Variants in SFSWAP observed in about 807,000 individuals in gnomAD.
SFSWAP encodes the protein splicing factor, suppressor of white-apricot homolog.
Under a neutral mutation model 100.7 loss-of-function variants are expected in SFSWAP, and 17 were observed. That is an observed-to-expected ratio of 0.17 (90% CI 0.12 to 0.25). The LOEUF is 0.25. Among genes scored for constraint, SFSWAP ranks in the 10% least tolerant of loss-of-function variants. The probability of loss-of-function intolerance (pLI) is 1.00; values close to 1 mark genes in which losing one functional copy is unlikely to be tolerated. For synonymous variants in SFSWAP, 504 were observed against 510.1 expected (o/e 0.99, Z 0.16); for missense variants, 1,005 against 1,262.6 (o/e 0.80, Z 3.09).
At chr12:131,731,221 C>T (rs924348613) in intron 7 of SFSWAP, among the ~76,000 whole-genome samples, 1 of 152,178 alleles carries the variant, frequency 6.6e-6, no homozygotes, top group African/African-American at 2.4e-5. Flanking sequence ...GTGGCTGTGG[C>T]GTGGCGTTAC....
chr12:131,741,307 AT>A (rs1880604500), intron 7 of SFSWAP, among the ~76,000 whole-genome samples: 1 of 152,040 alleles, frequency 6.6e-6, no homozygotes, highest in Non-Finnish European at 1.5e-5. Flanking sequence ...ATAAAATATT[AT>A]TTTGTTTGTT....
chr12:131,742,874 C>T (rs1880781047), intron 7 of SFSWAP, among the ~76,000 whole-genome samples: 2 of 152,112 alleles, frequency 1.3e-5, no homozygotes, highest in Non-Finnish European at 2.9e-5. Context: ...GTTTAATGGA[C>T]TTACAGTTCC....
intron 13 of SFSWAP, among the ~76,000 whole-genome samples, chr12:131,776,151 G>T (rs1386299480): frequency 6.6e-6 from 1 of 152,152 alleles, no homozygotes; most frequent in Non-Finnish European, 1.5e-5. Flanking sequence ...GAAAAATATT[G>T]TTACACTTAA....
At chr12:131,771,192 C>T (rs893704259) in intron 13 of SFSWAP, among the ~76,000 whole-genome samples, 1 of 152,192 alleles carries the variant, frequency 6.6e-6, no homozygotes, top group African/African-American at 2.4e-5. Flanking sequence ...CAACTTTTTT[C>T]ACTTACAGTA....
intron 14 of SFSWAP, among the ~76,000 whole-genome samples, chr12:131,781,342 A>G (rs993807668): frequency 1.4e-5 from 2 of 147,414 alleles, no homozygotes; most frequent in Admixed American, 1.4e-4. Context: ...GGTTCACACC[A>G]TTCTCCTGTC....
At chr12:131,728,194 G>C in intron 6 of SFSWAP, 99 bp from the exon 7 acceptor site, 1 of 1,380,042 alleles carries the variant, frequency 7.2e-7, no homozygotes. Context: ...TTTTTTCTAA[G>C]GCATGTACAC....
intron 4 of SFSWAP, among the ~76,000 whole-genome samples, chr12:131,720,694 T>G (rs1409119726): frequency 6.6e-6 from 1 of 152,184 alleles, no homozygotes; most frequent in Non-Finnish European, 1.5e-5. Flanking sequence ...TCAGCGTGAA[T>G]TTGATGGTTC....
Position 131,753,099 on chromosome 12 carries a change from C to G in SFSWAP, c.1082-24C>G, listed in dbSNP as rs1237965550. ...ACCAGCCTGTGGCCGGCCATGCTCA[C>G]TCCGGGGCAATGTGTCTCCACAGCG... On this transcript the variant is annotated intron_variant, in intron 7 of 17. Coordinates refer to ENST00000261674, the MANE Select transcript of SFSWAP (RefSeq NM_004592.4). 6 of 1,613,338 alleles carry G rather than the reference C, an allele frequency of 3.7e-6. No homozygotes were observed. In the South Asian group the frequency reaches 6.6e-5, roughly 18 times the overall value.
chr12:131,717,783 T>C (rs1161140580), intron 3 of SFSWAP, among the ~76,000 whole-genome samples: 1 of 152,242 alleles, frequency 6.6e-6, no homozygotes, highest in Non-Finnish European at 1.5e-5. Flanking sequence ...CAGGCTGGAA[T>C]GCAGTGGTGC....
At chr12:131,728,699 T>A (rs1879221846) in intron 7 of SFSWAP, among the ~76,000 whole-genome samples, 1 of 151,190 alleles carries the variant, frequency 6.6e-6, no homozygotes, top group Non-Finnish European at 1.5e-5. Context: ...TCTGCCCTTC[T>A]TTCTTTTTTT....
chr12:131,766,298 T>C lies in SFSWAP; in HGVS notation c.2132T>C (p.Phe711Ser). 1.2e-6 allele frequency: 2 copies of C among 1,614,056 alleles called. No individual in the cohort carries two copies. Among genetic ancestry groups the C allele is most frequent in the Non-Finnish European group, 1.7e-6 (2 of 1,179,998 alleles). Residue 711 changes from phenylalanine (F) to serine (S), a missense_variant, in exon 13 of 18, where the codon TTC (phenylalanine) becomes TCC (serine). Phe to Ser is a radical substitution (Grantham distance 155). Around this residue, in one of 7 missense-constraint regions of SFSWAP, gnomAD observed 295 missense variants for 347.9 expected, o/e 0.85. Transcript: ENST00000261674. ...AEAGKIEESP[F>S]SVEESSTTPC... The stretch of plus-strand genomic sequence containing the variant: ...GCTGGGAAAATTGAGGAGAGTCCTT[T>C]CAGTGTCGAGGTATAGTAAAATCCC...
chr12:131,753,119 A>G lies in SFSWAP; in HGVS notation c.1082-4A>G. 3 of 1,614,116 alleles carry G rather than the reference A, an allele frequency of 1.9e-6. No individual in the cohort carries two copies. The highest frequency in any genetic ancestry group is 2.5e-6 in the Non-Finnish European group (3 of 1,179,992). ...GCTCACTCCGGGGCAATGTGTCTCCACAGCGACCGTGGCAGCCATGTATTA... is the reference window on the plus strand; with the variant it reads ...GCTCACTCCGGGGCAATGTGTCTCCGCAGCGACCGTGGCAGCCATGTATTA... On this transcript the variant is annotated splice_polypyrimidine_tract_variant and splice_region_variant and intron_variant, in intron 7 of 17. Coordinates refer to ENST00000261674, the MANE Select transcript of SFSWAP (RefSeq NM_004592.4).
chr12:131,714,929 G>C lies in SFSWAP; in HGVS notation c.496G>C (p.Glu166Gln). Residue 166 changes from glutamate to glutamine, a missense_variant, in exon 3 of 18, where the codon GAG (glutamate) becomes CAG (glutamine). By Grantham distance (29) the Glu-to-Gln change is conservative. This residue lies in a region of SFSWAP where 237 missense variants were observed against 337.0 expected (regional missense o/e 0.70). Coordinates refer to ENST00000261674, the MANE Select transcript of SFSWAP (RefSeq NM_004592.4). The surrounding 1 kb of genome is among the most constrained non-coding windows in gnomAD (Gnocchi z 6.0). ...DYYDPSEPTE[E>Q]EEPSKQREKN... ...TTACGACCCGTCAGAGCCGACGGAG[G>C]AGGAGGAGCCTTCCAAACAGAGAGG... 6.2e-7 allele frequency: 1 copy of C among 1,614,116 alleles called. No homozygotes were observed. The highest frequency in any genetic ancestry group is 8.5e-7 in the Non-Finnish European group (1 of 1,180,024).
chr12:131,725,434 C>G lies in SFSWAP; in HGVS notation c.636C>G (p.Ile212Met). The G allele has an allele frequency of 1.9e-6, 3 of 1,614,150 alleles. No homozygotes were observed. The highest frequency in any genetic ancestry group is 2.5e-6 in the Non-Finnish European group (3 of 1,180,024). ...CAACCGCTAAAATGCACGCCATCATCGAGCGCACGGCCAGCTTCGTGTGCA... is the reference window on the plus strand; with the variant it reads ...CAACCGCTAAAATGCACGCCATCATGGAGCGCACGGCCAGCTTCGTGTGCA... ...LPPTAKMHAIIERTASFVCRQ... is the reference protein window; with the variant it reads ...LPPTAKMHAIMERTASFVCRQ... Residue 212 changes from isoleucine (I) to methionine (M), a missense_variant, in exon 5 of 18, where the codon ATC becomes ATG. Transcript: ENST00000261674. This position sits in a 1 kb window ranked among gnomAD's most constrained non-coding sequence, Gnocchi z 4.3.
rs1003302477 is a variant in SFSWAP at position 131,725,875 on chromosome 12, A to G, written c.832+245A>G. On this transcript the variant is annotated intron_variant, in intron 5 of 17. Transcript: ENST00000261674. This position sits in a 1 kb window ranked among gnomAD's most constrained non-coding sequence, Gnocchi z 4.3. Reference sequence around the variant, plus strand: ...ATAAATGAAATATAACTAAATATTGATGCTGTCAGAACATAATCATCTGGG... The same window carrying G: ...ATAAATGAAATATAACTAAATATTGGTGCTGTCAGAACATAATCATCTGGG... Among the ~76,000 whole-genome samples, 1 of 152,214 alleles carries G rather than the reference A, an allele frequency of 6.6e-6. No individual in the cohort carries two copies. The highest frequency in any genetic ancestry group is 1.9e-4 in the East Asian group (1 of 5,194).
At chr12:131,746,484 C>T (rs1224417702) in intron 7 of SFSWAP, among the ~76,000 whole-genome samples, 2 of 152,088 alleles carry the variant, frequency 1.3e-5, no homozygotes, top group South Asian at 2.1e-4. Flanking sequence ...TTTCCCTGTC[C>T]CCCGTCCCCG....
rs71072785 is a variant in SFSWAP at position 131,738,885 on chromosome 12, C to CTTTTTTTTTTTTTTTTTTTTTTTTTTTTT, written c.1081+10481_1081+10482insTTTTTTTTTTTTTTTTTTTTTTTTTTTTT. ...TTCCAGTGCTGTAATGAACATTATT[C>CTTTTTTTTTTTTTTTTTTTTTTTTTTTTT]TTTTTTTTTTTTTTTTTTTTTTTTG... On this transcript the variant is annotated intron_variant, in intron 7 of 17. Coordinates refer to ENST00000261674, the MANE Select transcript of SFSWAP (RefSeq NM_004592.4). Among the ~76,000 whole-genome samples, 5 of 48,754 alleles carry CTTTTTTTTTTTTTTTTTTTTTTTTTTTTT rather than the reference C, an allele frequency of 1.0e-4. 1 individual carries two copies. The highest frequency in any genetic ancestry group is 1.2e-4 in the Non-Finnish European group (3 of 24,294). 32.0% of individuals were successfully genotyped at this position (48,754 alleles called of 152,430 possible).
chr12:131,766,917 A>G (rs993642504), intron 13 of SFSWAP, among the ~76,000 whole-genome samples: 3 of 152,234 alleles, frequency 2.0e-5, no homozygotes, highest in African/African-American at 7.2e-5. Context: ...CCTTCAGTAG[A>G]CACTGGCTCC....
In SFSWAP at chr12:131,711,172, G is replaced by T; in HGVS notation, c.-58G>T. On this transcript the variant is annotated 5_prime_UTR_variant, in exon 1 of 18. Transcript: ENST00000261674. This position sits in a 1 kb window ranked among gnomAD's most constrained non-coding sequence, Gnocchi z 4.9. ...GACTGAAGGGGTAGGCCAAGTGGAGGTATCAGGGACGTCGCGCGGCACAGA... is the reference window on the plus strand; with the variant it reads ...GACTGAAGGGGTAGGCCAAGTGGAGTTATCAGGGACGTCGCGCGGCACAGA... 7.3e-7 allele frequency: 1 copy of T among 1,371,266 alleles called. No individual in the cohort carries two copies. The highest frequency in any genetic ancestry group is 9.9e-7 in the Non-Finnish European group (1 of 1,014,278). The allele number at this position is 1,371,266 out of a possible 1,614,324, so 84.9% of individuals were successfully genotyped here.
Sources: allele counts gnomAD v4.1 joint callset (sites outside exome capture counted in the v4.1 genomes callset), GRCh38; gene constraint gnomAD v4.1.1; regional missense constraint gnomAD v4.1.1; non-coding constraint Gnocchi (gnomAD v3.1); transcripts MANE v1.5; gene names NCBI Gene and HGNC (gene_info 2026-07-23, HGNC 2026-07-21).